Variants in KIF7 observed in about 807,000 individuals in gnomAD.
KIF7 encodes the protein kinesin-like protein KIF7.
A neutral mutation model predicts 135.7 loss-of-function variants in KIF7; 104 were observed. The observed-to-expected ratio is 0.77, with a 90% confidence interval of 0.65 to 0.90. The LOEUF (loss-of-function observed/expected upper bound fraction) is 0.90. Ranked by LOEUF, KIF7 falls within the 40% of genes least tolerant of loss-of-function variation. KIF7 has a pLI of 0.00. For synonymous variants in KIF7, 883 were observed against 809.4 expected (o/e 1.09, Z -1.54); for missense variants, 2,005 against 1,839.1 (o/e 1.09, Z -1.65).
At chr15:89,654,278 G>T (rs543066109) in intron 1 of KIF7, among the ~76,000 whole-genome samples, 3 of 146,386 alleles carry the variant, frequency 2.0e-5, no homozygotes, top group Non-Finnish European at 4.6e-5. Flanking sequence ...CAAAGTGCTG[G>T]GATTCCAGGC....
Position 89,633,197 on chromosome 15 carries a change from G to A in KIF7, c.2662C>T (p.Gln888Ter). Residue 888 changes from glutamine to a stop codon, truncating the protein, a stop_gained, in exon 13 of 19, where the codon CAG becomes TAG. Coordinates refer to ENST00000394412, the MANE Select transcript of KIF7 (RefSeq NM_198525.3). LOFTEE classifies it high-confidence loss of function. ...TTGCTGCCACTGCGCCTCTTCCTCTGGAATGCCGCGATCTCTTCCGTCTTA... is the reference window on the plus strand; with the variant it reads ...TTGCTGCCACTGCGCCTCTTCCTCTAGAATGCCGCGATCTCTTCCGTCTTA... The part of the protein sequence containing the change: ...KIKTEEIAAF[Q>*]RKRRSGSNGS... 6.2e-7 allele frequency: 1 copy of A among 1,604,210 alleles called. No homozygotes were observed. The highest frequency in any genetic ancestry group is 8.5e-7 in the Non-Finnish European group (1 of 1,178,200).
At chr15:89,623,091 CA>C (rs1260485340), downstream of KIF7, among the ~76,000 whole-genome samples, 5 of 152,304 alleles carry the variant, frequency 3.3e-5, no homozygotes, top group African/African-American at 1.2e-4. Flanking sequence ...TGCAAGAAGG[CA>C]GGGAAATTTT....
chr15:89,635,829 G>A (rs979791875), intron 11 of KIF7, among the ~76,000 whole-genome samples: 4 of 152,102 alleles, frequency 2.6e-5, no homozygotes, highest in Non-Finnish European at 5.9e-5. Flanking sequence ...AACAGAGAAC[G>A]CCACAAAGAT....
upstream of KIF7, among the ~76,000 whole-genome samples, chr15:89,657,066 A>G (rs145614342): frequency 5.9e-5 from 9 of 152,276 alleles, no homozygotes; most frequent in African/African-American, 2.2e-4. Context: ...CCATCACTCT[A>G]GGAGGCTGAG....
rs1567068052 is a variant in KIF7, at chr15:89,649,316, C to T, written c.581G>A (p.Ser194Asn). 1 of 1,481,618 alleles carries T rather than the reference C, an allele frequency of 6.7e-7. No homozygotes were observed. Among genetic ancestry groups the T allele is most frequent in the East Asian group, 2.5e-5 (1 of 40,190 alleles). 91.8% of individuals were successfully genotyped at this position (1,481,618 alleles called of 1,614,324 possible). Reference protein sequence around the residue: ...VDVEGLDEVLSLLEMGNAARH... With the variant: ...VDVEGLDEVLNLLEMGNAARH... Reference sequence around the variant, plus strand: ...CGCCGCGTTGCCCATCTCCAGGAGGCTCAGCACCTCATCCAGGCCCTCCAC... The same window carrying T: ...CGCCGCGTTGCCCATCTCCAGGAGGTTCAGCACCTCATCCAGGCCCTCCAC... Residue 194 changes from serine (S) to asparagine (N), a missense_variant, in exon 4 of 19, where the codon AGC (serine) becomes AAC (asparagine). Transcript: ENST00000394412.
chr15:89,628,185 A>G lies in KIF7; in HGVS notation c.*234T>C, dbSNP rs573931333. On this transcript the variant is annotated 3_prime_UTR_variant, in exon 19 of 19. Transcript: ENST00000394412. ...GATTCGAGCAAGACACAAGGCGGCAATTGGGTACCACAGCTTCATGGAAGT... is the reference window on the plus strand; with the variant it reads ...GATTCGAGCAAGACACAAGGCGGCAGTTGGGTACCACAGCTTCATGGAAGT... 17 of 480,656 alleles carry G rather than the reference A, an allele frequency of 3.5e-5. No homozygotes were observed. Among genetic ancestry groups the G allele is most frequent in the Admixed American group, 1.9e-4 (5 of 27,022 alleles). 29.8% of individuals were successfully genotyped at this position (480,656 alleles called of 1,614,324 possible). A position where few individuals can be genotyped will look rare whatever the true frequency, so the allele number is the denominator to read the frequency against.
downstream of KIF7, chr15:89,624,599 C>T (rs1963482029): frequency 6.2e-7 from 1 of 1,613,762 alleles, no homozygotes; most frequent in African/African-American, 1.3e-5. Flanking sequence ...CTGAGCCTCT[C>T]TCCTCAGTCT....
upstream of KIF7, among the ~76,000 whole-genome samples, chr15:89,656,539 A>G (rs1438764337): frequency 6.6e-6 from 1 of 152,152 alleles, no homozygotes; most frequent in East Asian, 1.9e-4. Context: ...GGATGGAACT[A>G]CCATGATTGG....
At chr15:89,661,032 T>C in the KIF7 span, among the ~76,000 whole-genome samples, 3 of 152,198 alleles carry the variant, frequency 2.0e-5, no homozygotes, top group African/African-American at 7.2e-5. Context: ...TAAACCATAG[T>C]TGACCTATGA....
chr15:89,624,811 CTG>C, downstream of KIF7: 2 of 1,614,204 alleles, frequency 1.2e-6, no homozygotes, highest in Non-Finnish European at 1.7e-6. Context: ...GAAGTCTTCT[CTG>C]TCTCACCCTG....
intron 1 of KIF7, among the ~76,000 whole-genome samples, chr15:89,653,623 A>C (rs1964159186): frequency 6.6e-6 from 1 of 152,062 alleles, no homozygotes; most frequent in Non-Finnish European, 1.5e-5. Context: ...TTTCACCCAG[A>C]CTGGAGTACA....
At chr15:89,624,231 G>C (rs1161400448), downstream of KIF7, 2 of 1,614,106 alleles carry the variant, frequency 1.2e-6, no homozygotes, top group Non-Finnish European at 1.7e-6. Flanking sequence ...CACCTGTTAC[G>C]CCAAAGAAAC....
chr15:89,646,007 T>A lies in KIF7; in HGVS notation c.1808A>T (p.Glu603Val), dbSNP rs761922179. 5.8e-5 allele frequency: 93 copies of A among 1,613,812 alleles called. No homozygotes were observed. The highest frequency in any genetic ancestry group is 6.9e-5 in the Non-Finnish European group (82 of 1,179,980). The change falls in exon 8 of 19, where the codon GAG becomes GTG. Residue 603 changes from glutamate to valine, a missense_variant. Glu to Val is a moderately radical substitution (Grantham distance 121). Coordinates refer to ENST00000394412, the MANE Select transcript of KIF7 (RefSeq NM_198525.3). ...QRGEQVTNGR[E>V]AGAELLTEVN... The stretch of plus-strand genomic sequence containing the variant: ...CTCAGTCAGCAACTCAGCTCCAGCC[T>A]CCCTGCCATTTGTCACCTGCTAGGG...
At chr15:89,644,876 C>T in intron 10 of KIF7, 137 bp downstream of exon 10, 1 of 1,123,224 alleles carries the variant, frequency 8.9e-7, no homozygotes, top group East Asian at 2.4e-5. Flanking sequence ...CTGGAAGAGG[C>T]TGGGCTGAGT....
intron 11 of KIF7, among the ~76,000 whole-genome samples, chr15:89,639,009 A>G (rs1963866296): frequency 6.6e-6 from 1 of 152,092 alleles, no homozygotes; most frequent in Non-Finnish European, 1.5e-5. Context: ...CAACTATCTG[A>G]TCTTTGACAA....
Position 89,649,112 on chromosome 15 carries a change from G to A in KIF7, c.785C>T (p.Thr262Met), listed in dbSNP as rs1057518271. Reference protein sequence around the residue: ...DLAGSERVLKTGSTGERLKES... With the variant: ...DLAGSERVLKMGSTGERLKES... Reference sequence around the variant, plus strand: ...CTTGAGCCGCTCGCCGGTGCTGCCCGTCTTGAGCACCCTCTCTGAGCCCGC... The same window carrying A: ...CTTGAGCCGCTCGCCGGTGCTGCCCATCTTGAGCACCCTCTCTGAGCCCGC... Residue 262 changes from threonine to methionine, a missense_variant, in exon 4 of 19, where the codon ACG (threonine) becomes ATG (methionine). Transcript: ENST00000394412. The A allele has an allele frequency of 3.9e-6, 6 of 1,547,684 alleles. No homozygotes were observed. In the African/African-American group the frequency reaches 4.1e-5, roughly 11 times the overall value.
upstream of KIF7, among the ~76,000 whole-genome samples, chr15:89,659,438 GGAAAGAAAGAGAGAGA>G (rs1964236340): frequency 7.7e-6 from 1 of 129,058 alleles, no homozygotes; most frequent in Admixed American, 8.2e-5. Context: ...GGAAGGAAGG[GGAAAGAAAGAGAGAGA>G]GAAAGAAAGA....
chr15:89,632,531 T>A (rs910772740), intron 14 of KIF7, among the ~76,000 whole-genome samples: 1 of 152,138 alleles, frequency 6.6e-6, no homozygotes, highest in Non-Finnish European at 1.5e-5. Flanking sequence ...GTCATAAATA[T>A]CTTGAAGCCC....
At chr15:89,647,195 C>A (rs1252350434) in intron 6 of KIF7, 138 bp from the exon 7 acceptor site, 2 of 748,198 alleles carry the variant, frequency 2.7e-6, no homozygotes, top group Non-Finnish European at 2.3e-6. Flanking sequence ...CTCTCCTCCC[C>A]AACAACTCTG....
Sources: gnomAD v4.1 joint callset for allele counts (sites outside exome capture counted in the v4.1 genomes callset) on GRCh38, gnomAD v4.1.1 for gene constraint, MANE v1.5 for transcripts, NCBI Gene and HGNC (gene_info 2026-07-23, HGNC 2026-07-21) for gene names.